Variants in SYT1 observed in about 807,000 individuals in gnomAD.
SYT1 encodes synaptotagmin-1.
Under a neutral mutation model 44.8 loss-of-function variants are expected in SYT1, and 8 were observed. The observed-to-expected ratio is 0.18, with a 90% confidence interval of 0.10 to 0.32. The LOEUF is 0.32. Ranked by LOEUF, SYT1 falls within the 10% of genes least tolerant of loss-of-function variation. SYT1 has a pLI of 1.00. For synonymous variants in SYT1, 154 were observed against 188.8 expected (o/e 0.82, Z 1.51); for missense variants, 286 against 509.3 (o/e 0.56, Z 4.22).
chr12:78,965,831 C>A (rs1300607808), intron 1 of SYT1, among the ~76,000 whole-genome samples: 2 of 152,078 alleles, frequency 1.3e-5, no homozygotes, highest in Non-Finnish European at 2.9e-5. Flanking sequence ...GTAATCCCAG[C>A]ACTTTGGGAG....
intron 2 of SYT1, among the ~76,000 whole-genome samples, chr12:79,026,669 A>ATT (rs564478404): frequency 0.01 from 275 of 26,358 alleles, no homozygotes; most frequent in African/African-American, 0.042. Flanking sequence ...TATATATTTT[A>ATT]TATATATATA....
chr12:78,875,994 T>C (rs1320342145), intron 1 of SYT1, among the ~76,000 whole-genome samples: 3 of 151,684 alleles, frequency 2.0e-5, no homozygotes, highest in African/African-American at 7.3e-5. Context: ...AGTTTTATTG[T>C]TCCTATAAAT....
intron 4 of SYT1, among the ~76,000 whole-genome samples, chr12:79,254,043 G>C (rs1318355494): frequency 6.6e-6 from 1 of 152,186 alleles, no homozygotes; most frequent in Non-Finnish European, 1.5e-5. Flanking sequence ...TGCTGATGGA[G>C]AAGCTGCCAC....
chr12:79,061,243 T>C (rs901526625), intron 3 of SYT1, among the ~76,000 whole-genome samples: 9 of 152,024 alleles, frequency 5.9e-5, no homozygotes, highest in Admixed American at 4.6e-4. Flanking sequence ...CAGTTTTTAG[T>C]ATTTTCAGCA....
At chr12:79,040,470 G>C (rs1873473442) in intron 2 of SYT1, among the ~76,000 whole-genome samples, 1 of 152,070 alleles carries the variant, frequency 6.6e-6, no homozygotes, top group Non-Finnish European at 1.5e-5. Context: ...TGATGGGGTT[G>C]TTTGTTTTTT....
At chr12:79,355,415 A>C (rs760309573) in intron 9 of SYT1, among the ~76,000 whole-genome samples, 1 of 152,216 alleles carries the variant, frequency 6.6e-6, no homozygotes, top group African/African-American at 2.4e-5. Flanking sequence ...CAGCAAAACC[A>C]TATTAGCTTC....
chr12:79,144,214 A>C (rs1201066917), intron 3 of SYT1, among the ~76,000 whole-genome samples: 1 of 152,232 alleles, frequency 6.6e-6, no homozygotes, highest in Non-Finnish European at 1.5e-5. Flanking sequence ...GGCAGGCACC[A>C]GACTTATTTC....
chr12:79,124,435 C>T (rs561534089), intron 3 of SYT1, among the ~76,000 whole-genome samples: 36 of 152,192 alleles, frequency 2.4e-4, no homozygotes, highest in African/African-American at 8.4e-4. Flanking sequence ...TTACAACTTA[C>T]GACTCTTCTT....
chr12:79,016,182 G>A (rs1195685073), intron 2 of SYT1, among the ~76,000 whole-genome samples: 1 of 152,084 alleles, frequency 6.6e-6, no homozygotes, highest in African/African-American at 2.4e-5. Flanking sequence ...TAATATCAAA[G>A]GTTTCACATC....
intron 2 of SYT1, among the ~76,000 whole-genome samples, chr12:78,979,981 G>C (rs772024377): frequency 6.6e-6 from 1 of 151,910 alleles, no homozygotes; most frequent in East Asian, 1.9e-4. Flanking sequence ...AATGAATTAC[G>C]TGAGTGTCTT....
intron 1 of SYT1, among the ~76,000 whole-genome samples, chr12:78,935,000 C>G (rs61929223): frequency 0.087 from 13,183 of 152,112 alleles, 654 homozygotes; most frequent in East Asian, 0.18. Flanking sequence ...TCATGCCTCG[C>G]CCGAGTCTAT....
intron 1 of SYT1, among the ~76,000 whole-genome samples, chr12:78,977,295 G>A (rs573387563): frequency 6.6e-6 from 1 of 152,208 alleles, no homozygotes; most frequent in Admixed American, 6.5e-5. Flanking sequence ...AGCTGCTGTT[G>A]CTCACAAAGA....
chr12:78,965,191 C>A (rs1879705599), intron 1 of SYT1, among the ~76,000 whole-genome samples: 1 of 152,052 alleles, frequency 6.6e-6, no homozygotes, highest in African/African-American at 2.4e-5. Flanking sequence ...TATTGGAAAT[C>A]AATATTTGTT....
chr12:79,072,455 A>G (rs1005625660), intron 3 of SYT1, among the ~76,000 whole-genome samples: 7 of 152,152 alleles, frequency 4.6e-5, no homozygotes, highest in Non-Finnish European at 7.4e-5. Flanking sequence ...AAATACGTAC[A>G]TAAGATTAAC....
At chr12:79,395,917 A>G (rs1335814237) in intron 9 of SYT1, among the ~76,000 whole-genome samples, 2 of 152,252 alleles carry the variant, frequency 1.3e-5, no homozygotes, top group Non-Finnish European at 2.9e-5. Context: ...TAATAAATTT[A>G]GGGAGACATC....
intron 4 of SYT1, among the ~76,000 whole-genome samples, chr12:79,245,201 C>G (rs1256904039): frequency 3.3e-5 from 5 of 151,156 alleles, no homozygotes. Flanking sequence ...CGCGGTGGCT[C>G]ACGCCTGTAA....
At chr12:79,154,713 C>G (rs1036460035) in intron 3 of SYT1, among the ~76,000 whole-genome samples, 2 of 152,088 alleles carry the variant, frequency 1.3e-5, no homozygotes, top group African/African-American at 2.4e-5. Flanking sequence ...ACTTCAAACA[C>G]TTCGTGAAAG....
intron 4 of SYT1, among the ~76,000 whole-genome samples, chr12:79,261,821 G>A (rs1222925917): frequency 6.6e-6 from 1 of 152,074 alleles, no homozygotes; most frequent in Non-Finnish European, 1.5e-5. Flanking sequence ...ATGACTCACT[G>A]AGTTCTGAAC....
chr12:79,238,169 ATACATT>A (rs1445668073), intron 4 of SYT1, among the ~76,000 whole-genome samples: 1 of 147,550 alleles, frequency 6.8e-6, no homozygotes, highest in Non-Finnish European at 1.5e-5. Context: ...TTACTGTAGG[ATACATT>A]TAGTGGTATG....
Sources: allele counts gnomAD v4.1 joint callset (sites outside exome capture counted in the v4.1 genomes callset), GRCh38; gene constraint gnomAD v4.1.1; transcripts MANE v1.5; gene names NCBI Gene and HGNC (gene_info 2026-07-23, HGNC 2026-07-21).